FAM174A: variants seen among roughly 807,000 people sequenced by gnomAD.
The protein encoded by FAM174A is family with sequence similarity 174 member A.
Under a neutral mutation model 14.3 loss-of-function variants are expected in FAM174A, and 14 were observed. That is an observed-to-expected ratio of 0.98 (90% CI 0.65 to 1.53). FAM174A has a LOEUF of 1.53. FAM174A is among the 40% of genes most tolerant of loss of function. The pLI is 0.00. For synonymous variants in FAM174A, 108 were observed against 111.4 expected, an observed-to-expected ratio of 0.97 and a Z score of 0.19; for missense variants, 241 against 249.6, an observed-to-expected ratio of 0.97 and a Z score of 0.23.
chr5:100,560,474 C>T lies in FAM174A; in HGVS notation c.435-1580C>T, dbSNP rs867093645. Among the ~76,000 whole-genome samples, 91 of 152,086 alleles carry T rather than the reference C, an allele frequency of 6.0e-4. 1 individual carries two copies. The highest frequency in any genetic ancestry group is 3.4e-3 in the Middle Eastern group (1 of 290). On this transcript the variant is annotated intron_variant, in intron 1 of 2. Transcript: ENST00000312637. Reference sequence around the variant, plus strand: ...ATGCTTAACTCTCTGTTTCCTGTTCCATCACTTTAGACGTGTATATAGATA... The same window carrying T: ...ATGCTTAACTCTCTGTTTCCTGTTCTATCACTTTAGACGTGTATATAGATA...
At chr5:100,581,488 C>T (rs762507599) in intron 2 of FAM174A, 1 of 638,732 alleles carries the variant, frequency 1.6e-6, no homozygotes, top group Admixed American at 6.3e-5. Flanking sequence ...CATGGTGGCT[C>T]ATGCCTGTGA....
chr5:100,535,487 C>A lies in FAM174A; in HGVS notation c.-44C>A, dbSNP rs775147953. On this transcript the variant is annotated 5_prime_UTR_variant, in exon 1 of 3. Coordinates refer to ENST00000312637, the MANE Select transcript of FAM174A (RefSeq NM_198507.3). ...ATGGTCCCTCTTGGAGCCAGCGTGG[C>A]GGGCCTGGCGGCTCCCGGGTGGTGA... 1 of 1,598,216 alleles carries A rather than the reference C, an allele frequency of 6.3e-7. No individual in the cohort carries two copies. Among genetic ancestry groups the A allele is most frequent in the South Asian group, 1.1e-5 (1 of 88,718 alleles).
chr5:100,553,344 G>A (rs1223176230), intron 1 of FAM174A, among the ~76,000 whole-genome samples: 1 of 151,980 alleles, frequency 6.6e-6, no homozygotes, highest in Non-Finnish European at 1.5e-5. Context: ...AATCACCCAA[G>A]TTATTTGAAA....
At chr5:100,577,698 A>C (rs1355990669) in intron 2 of FAM174A, among the ~76,000 whole-genome samples, 2 of 152,130 alleles carry the variant, frequency 1.3e-5, no homozygotes, top group Non-Finnish European at 2.9e-5. Flanking sequence ...GATTGTATTA[A>C]AGTACTAATA....
chr5:100,569,505 T>G (rs2112393217), intron 2 of FAM174A, among the ~76,000 whole-genome samples: 1 of 152,000 alleles, frequency 6.6e-6, no homozygotes, highest in South Asian at 2.1e-4. Flanking sequence ...TGTTTTGTAA[T>G]TATAAATAGT....
chr5:100,581,938 G>A (rs1447913374), intron 2 of FAM174A, among the ~76,000 whole-genome samples: 4 of 152,122 alleles, frequency 2.6e-5, no homozygotes, highest in Non-Finnish European at 5.9e-5. Flanking sequence ...GTCTCAAAAC[G>A]CCTTTCTGAA....
At chr5:100,572,333 G>A (rs1395262776) in intron 2 of FAM174A, among the ~76,000 whole-genome samples, 5 of 146,264 alleles carry the variant, frequency 3.4e-5, no homozygotes, top group African/African-American at 1.3e-4. Context: ...CATGTGCCAT[G>A]CTGGTGCGCT....
At chr5:100,542,891 G>T (rs570890778) in intron 1 of FAM174A, among the ~76,000 whole-genome samples, 1 of 151,348 alleles carries the variant, frequency 6.6e-6, no homozygotes. Flanking sequence ...ATGTGTAGGG[G>T]GTATATGTGT....
chr5:100,535,765 T>G lies in FAM174A; in HGVS notation c.235T>G (p.Ser79Ala). ...GLAEAAGPRG[S>A]EGGNGSNPVA... Reference sequence around the variant, plus strand: ...GGCTGAAGCTGCGGGGCCGCGGGGCTCCGAGGGAGGCAATGGCAGCAACCC... The same window carrying G: ...GGCTGAAGCTGCGGGGCCGCGGGGCGCCGAGGGAGGCAATGGCAGCAACCC... The change falls in exon 1 of 3, where the codon TCC becomes GCC. Residue 79 changes from serine (S) to alanine (A), a missense_variant. Coordinates refer to ENST00000312637, the MANE Select transcript of FAM174A (RefSeq NM_198507.3). The G allele has an allele frequency of 6.2e-7, 1 of 1,605,068 alleles. No homozygotes were observed. The highest frequency in any genetic ancestry group is 8.5e-7 in the Non-Finnish European group (1 of 1,178,162).
Position 100,562,130 on chromosome 5 carries a change from T to G in FAM174A, c.511T>G (p.Leu171Val). The G allele has an allele frequency of 1.3e-6, 2 of 1,589,710 alleles. No individual in the cohort carries two copies. The highest frequency in any genetic ancestry group is 2.3e-5 in the South Asian group (2 of 87,644). Residue 171 changes from leucine to valine, a missense_variant, in exon 2 of 3, where the codon TTA becomes GTA. Transcript: ENST00000312637. ...TNIENMELTP[L>V]EQDDEDDDNT... is the part of the protein sequence containing the mutation. ...CATAGAAAATATGGAATTGACACCT[T>G]TAGAACAGGATGATGAGGATGATGA... is the stretch of plus-strand genomic sequence containing the variant.
rs951459959 is a variant in FAM174A, at chr5:100,562,054, G to A, written c.435G>A (p.Arg145=). The A allele has an allele frequency of 7.1e-6, 11 of 1,545,666 alleles. No individual in the cohort carries two copies. Among genetic ancestry groups the A allele is most frequent in the African/African-American group, 1.4e-5 (1 of 71,238 alleles). ...VLVYFVVRTV[R]MRRRNRKTRR... is the part of the protein sequence containing the mutation. Reference sequence around the variant, plus strand: ...TTCATTAATTTGTTCTATTTGATAGGATGAGAAGAAGAAACCGAAAGACTA... The same window carrying A: ...TTCATTAATTTGTTCTATTTGATAGAATGAGAAGAAGAAACCGAAAGACTA... Residue 145 remains arginine, a splice_region_variant and synonymous_variant, in exon 2 of 3, where the codon AGG becomes AGA. Transcript: ENST00000312637.
chr5:100,573,752 G>A (rs1387376452), intron 2 of FAM174A, among the ~76,000 whole-genome samples: 1 of 150,624 alleles, frequency 6.6e-6, no homozygotes, highest in African/African-American at 2.5e-5. Flanking sequence ...AACCAAAAAA[G>A]AGCCCACATC....
chr5:100,552,480 AAAG>A (rs536005463), intron 1 of FAM174A, among the ~76,000 whole-genome samples: 164 of 150,636 alleles, frequency 1.1e-3, no homozygotes, highest in South Asian at 5.4e-3. Flanking sequence ...GTTAAAAAAA[AAAG>A]AAGAAGAGAA....
chr5:100,543,518 G>GGGTAGCA (rs1580363041), intron 1 of FAM174A, among the ~76,000 whole-genome samples: 2 of 152,130 alleles, frequency 1.3e-5, no homozygotes, highest in East Asian at 3.9e-4. Context: ...AAGTTCTATT[G>GGGTAGCA]GGTAGCACAA....
intron 2 of FAM174A, among the ~76,000 whole-genome samples, chr5:100,575,600 A>G (rs931458956): frequency 1.3e-5 from 2 of 152,110 alleles, no homozygotes; most frequent in Non-Finnish European, 2.9e-5. Context: ...AACCTAGGCA[A>G]TACCATTCAG....
At chr5:100,566,141 G>GATTATATATATAT (rs1554047541) in intron 2 of FAM174A, among the ~76,000 whole-genome samples, 6 of 81,802 alleles carry the variant, frequency 7.3e-5, no homozygotes, top group African/African-American at 2.1e-4. Context: ...TGAAAAGTAT[G>GATTATATATATAT]ATATATATAT....
At chr5:100,575,212 C>A (rs927878543) in intron 2 of FAM174A, among the ~76,000 whole-genome samples, 6 of 151,786 alleles carry the variant, frequency 4.0e-5, no homozygotes, top group Non-Finnish European at 5.9e-5. Flanking sequence ...TTTTCAATTG[C>A]AGTACAGAAT....
chr5:100,558,239 T>G (rs1403041609), intron 1 of FAM174A, among the ~76,000 whole-genome samples: 1 of 152,196 alleles, frequency 6.6e-6, no homozygotes, highest in Non-Finnish European at 1.5e-5. Flanking sequence ...TCCATGTAGT[T>G]GAGTGGTTTT....
Position 100,535,909 on chromosome 5 carries a change from G to C in FAM174A, c.379G>C (p.Val127Leu). The change falls in exon 1 of 3, where the codon GTG becomes CTG. Residue 127 changes from valine to leucine, a missense_variant. By Grantham distance (32) the Val-to-Leu change is conservative (BLOSUM62 1). Transcript: ENST00000312637. ...GCCCATGACCCAGCGGGCCCTGACCGTGTTGATGGTGGTGAGCGGCGCGGT... is the reference window on the plus strand; with the variant it reads ...GCCCATGACCCAGCGGGCCCTGACCCTGTTGATGGTGGTGAGCGGCGCGGT... ...DKPMTQRALT[V>L]LMVVSGAVLV... The C allele has an allele frequency of 6.2e-7, 1 of 1,611,216 alleles. No homozygotes were observed. Among genetic ancestry groups the C allele is most frequent in the African/African-American group, 1.3e-5 (1 of 75,028 alleles).
Sources: allele counts gnomAD v4.1 joint callset (sites outside exome capture counted in the v4.1 genomes callset), GRCh38; gene constraint gnomAD v4.1.1; transcripts MANE v1.5; gene names NCBI Gene and HGNC (gene_info 2026-07-23, HGNC 2026-07-21).